Variants in CTCF observed in about 807,000 individuals in gnomAD.
CTCF encodes transcriptional repressor CTCF.
CTCF carries 7 observed loss-of-function variants against 72.3 expected under a neutral mutation model. The observed-to-expected ratio is 0.10, with a 90% confidence interval of 0.06 to 0.18. The LOEUF (loss-of-function observed/expected upper bound fraction) is 0.18, where lower values mean the gene tolerates loss of function less well. Among genes scored for constraint, CTCF ranks in the 10% least tolerant of loss-of-function variants. CTCF has a pLI of 1.00. For synonymous variants in CTCF, 374 were observed against 315.8 expected (o/e 1.18, Z -1.95); for missense variants, 516 against 949.1 (o/e 0.54, Z 6.00).
At chr16:67,628,270 C>A in intron 8 of CTCF, 100 bp from the exon 9 acceptor site, 1 of 1,055,408 alleles carries the variant, frequency 9.5e-7, no homozygotes, top group Non-Finnish European at 1.4e-6. Context: ...CTAGACCTAG[C>A]TTGGGTGAGA....
chr16:67,625,814 A>AC (rs2052276940), intron 7 of CTCF, among the ~76,000 whole-genome samples: 1 of 39,234 alleles, frequency 2.5e-5, no homozygotes, highest in South Asian at 1.1e-3. Flanking sequence ...ATGCCCCCCC[A>AC]CCCCCCGACC....
chr16:67,572,124 A>C (rs974793146), intron 2 of CTCF, among the ~76,000 whole-genome samples: 5 of 152,218 alleles, frequency 3.3e-5, no homozygotes. Context: ...AATGACTACT[A>C]AGATTTTTCT....
At chr16:67,585,034 G>A (rs761186889) in intron 2 of CTCF, among the ~76,000 whole-genome samples, 4 of 152,070 alleles carry the variant, frequency 2.6e-5, no homozygotes, top group Admixed American at 6.6e-5. Flanking sequence ...TAGTATGCAT[G>A]TCTTTGTTTT....
At chr16:67,631,591 G>A (rs1417485143) in intron 10 of CTCF, among the ~76,000 whole-genome samples, 1 of 151,592 alleles carries the variant, frequency 6.6e-6, no homozygotes, top group East Asian at 1.9e-4. Flanking sequence ...ATGAGCCACT[G>A]CACCCAGCTA....
intron 2 of CTCF, among the ~76,000 whole-genome samples, chr16:67,588,791 A>T (rs926944037): frequency 1.3e-5 from 2 of 152,064 alleles, no homozygotes; most frequent in Non-Finnish European, 2.9e-5. Context: ...GGTTCAAGCG[A>T]TTCTCATGCA....
At chr16:67,575,172 T>G (rs917288887) in intron 2 of CTCF, among the ~76,000 whole-genome samples, 2 of 152,128 alleles carry the variant, frequency 1.3e-5, no homozygotes, top group African/African-American at 4.8e-5. Flanking sequence ...TCGTCTGAGC[T>G]GAGAAGGTTG....
intron 1 of CTCF, among the ~76,000 whole-genome samples, chr16:67,564,505 C>T (rs186254808): frequency 8.5e-4 from 129 of 152,322 alleles, no homozygotes; most frequent in Middle Eastern, 6.8e-3. Flanking sequence ...CCTGCCACCC[C>T]TCTTCCTCAA....
At chr16:67,631,367 G>A (rs1432400527) in intron 10 of CTCF, among the ~76,000 whole-genome samples, 1 of 151,948 alleles carries the variant, frequency 6.6e-6, no homozygotes, top group Non-Finnish European at 1.5e-5. Flanking sequence ...GTTTCACCAT[G>A]TTGGCCAGGC....
At chr16:67,564,584 T>G (rs2051318999) in intron 1 of CTCF, among the ~76,000 whole-genome samples, 1 of 152,264 alleles carries the variant, frequency 6.6e-6, no homozygotes, top group Non-Finnish European at 1.5e-5. Context: ...AGAATCACCT[T>G]TAATTATCTA....
At chr16:67,571,876 C>G (rs1330129765) in intron 2 of CTCF, among the ~76,000 whole-genome samples, 1 of 152,090 alleles carries the variant, frequency 6.6e-6, no homozygotes, top group Non-Finnish European at 1.5e-5. Flanking sequence ...TTATATGGAA[C>G]TTGGAACAGA....
At chr16:67,563,712 A>C (rs143792594) in intron 1 of CTCF, 2 of 152,342 alleles carry the variant, frequency 1.3e-5, no homozygotes, top group East Asian at 3.9e-4. Flanking sequence ...CTTAAATTTC[A>C]TTCTGATCTC....
intron 2 of CTCF, among the ~76,000 whole-genome samples, chr16:67,609,123 T>G (rs1309177353): frequency 6.6e-6 from 1 of 152,134 alleles, no homozygotes; most frequent in Non-Finnish European, 1.5e-5. Context: ...TCCCAGCACT[T>G]TGGGAGGCTT....
At chr16:67,611,924 CAAGT>C (rs755405969) in intron 3 of CTCF, 23 bp from the exon 4 acceptor site, 148 of 1,600,940 alleles carry the variant, frequency 9.2e-5, no homozygotes, top group South Asian at 3.9e-4. Context: ...AACTCTGCAG[CAAGT>C]AAGTGTTTTA....
intron 9 of CTCF, among the ~76,000 whole-genome samples, chr16:67,629,077 G>A (rs916503237): frequency 6.6e-6 from 1 of 152,034 alleles, no homozygotes; most frequent in Non-Finnish European, 1.5e-5. Context: ...ATTTCCTTAG[G>A]TGGATTGAAA....
chr16:67,634,517 T>C (rs897374328), intron 10 of CTCF, among the ~76,000 whole-genome samples: 3 of 34,816 alleles, frequency 8.6e-5, no homozygotes, highest in Non-Finnish European at 1.6e-4. Flanking sequence ...CTAAATGGGC[T>C]TTTTTTTTTT....
intron 2 of CTCF, among the ~76,000 whole-genome samples, chr16:67,587,886 G>C (rs2051689143): frequency 6.6e-6 from 1 of 151,884 alleles, no homozygotes; most frequent in Admixed American, 6.6e-5. Flanking sequence ...GTTTTGTTTT[G>C]AGACAGAGTC....
intron 2 of CTCF, among the ~76,000 whole-genome samples, chr16:67,586,919 G>C (rs948783251): frequency 2.0e-5 from 3 of 151,842 alleles, no homozygotes; most frequent in Non-Finnish European, 4.4e-5. Context: ...TCAGCCTCCT[G>C]AGTAGCTGGG....
rs1275762020 is a variant in CTCF, at chr16:67,611,432, A to G, written c.600A>G (p.Pro200=). The G allele has an allele frequency of 1.4e-5, 22 of 1,614,088 alleles. No individual in the cohort carries two copies. The highest frequency in any genetic ancestry group is 1.8e-5 in the Non-Finnish European group (21 of 1,180,054). ...SWQKDPDYQP[P]AKKTKKTKKS... is the part of the protein sequence containing the mutation. ...AAAAAGACCCAGACTATCAGCCACCAGCCAAAAAAACAAAGAAAACCAAAA... is the reference window on the plus strand; with the variant it reads ...AAAAAGACCCAGACTATCAGCCACCGGCCAAAAAAACAAAGAAAACCAAAA... Residue 200 remains proline (P), a synonymous_variant, in exon 3 of 12, where the codon CCA becomes CCG. Transcript: ENST00000264010.
intron 2 of CTCF, among the ~76,000 whole-genome samples, chr16:67,582,133 T>C (rs2051591370): frequency 6.7e-6 from 1 of 148,640 alleles, no homozygotes; most frequent in Non-Finnish European, 1.5e-5. Context: ...GGCAGGAGAA[T>C]GGCATGAACG....
Sources: gnomAD v4.1 joint callset for allele counts (sites outside exome capture counted in the v4.1 genomes callset) on GRCh38, gnomAD v4.1.1 for gene constraint, MANE v1.5 for transcripts, NCBI Gene and HGNC (gene_info 2026-07-23, HGNC 2026-07-21) for gene names.